Variants in ZNF708 observed in about 807,000 individuals in gnomAD.
The protein encoded by ZNF708 is ZNF15, ZNF15L1.
A neutral mutation model predicts 47.0 loss-of-function variants in ZNF708; 44 were observed. The ratio of observed to expected loss-of-function variants is 0.94; its 90% confidence interval spans 0.74 to 1.20. The LOEUF (loss-of-function observed/expected upper bound fraction) is 1.20, where lower values mean the gene tolerates loss of function less well. Ranked by LOEUF, ZNF708 falls within the 50% of genes most tolerant of loss-of-function variation. The pLI is 0.00. For missense variants in ZNF708, 557 were observed against 656.0 expected, an observed-to-expected ratio of 0.85 and a Z score of 1.65; for synonymous variants, 184 against 218.5, an observed-to-expected ratio of 0.84 and a Z score of 1.39.
Position 21,293,332 on chromosome 19 carries a change from G to A in ZNF708, c.1634C>T (p.Pro545Leu), listed in dbSNP as rs779237299. 4.7e-5 allele frequency: 75 copies of A among 1,610,788 alleles called. No homozygotes were observed. The highest frequency in any genetic ancestry group is 6.1e-5 in the Non-Finnish European group (72 of 1,178,692). ...EECGKAFNQS[P>L]NLTKHKRIHT... ...AATTCTCTTATGTTTAGTAAGGTTT[G>A]GGGACTGGTTAAAGGCTTTGCCACA... The change falls in exon 4 of 4, where the codon CCA (proline) becomes CTA (leucine). Residue 545 changes from proline to leucine, a missense_variant. Transcript: ENST00000356929.
chr19:21,294,254 T>C lies in ZNF708; in HGVS notation c.712A>G (p.Thr238Ala). 5 of 1,612,494 alleles carry C rather than the reference T, an allele frequency of 3.1e-6. No individual in the cohort carries two copies. Among genetic ancestry groups the C allele is most frequent in the Non-Finnish European group, 3.4e-6 (4 of 1,179,858 alleles). ...TGAATTATCTTATGTCTAGTAAGAG[T>C]TGAGGACTGGTTAAAAGCTTTTCCA... ...ECGKAFNQSS[T>A]LTRHKIIHTG... The change falls in exon 4 of 4, where the codon ACT (threonine) becomes GCT (alanine). Residue 238 changes from threonine to alanine, a missense_variant. Thr to Ala is a moderately conservative substitution (Grantham distance 58). Coordinates refer to ENST00000356929, the MANE Select transcript of ZNF708 (RefSeq NM_021269.3).
chr19:21,292,890 T>A lies in ZNF708; in HGVS notation c.*384A>T. 1 of 182,782 alleles carries A rather than the reference T, an allele frequency of 5.5e-6. No homozygotes were observed. The highest frequency in any genetic ancestry group is 1.1e-4 in the South Asian group (1 of 8,950). 11.3% of individuals were successfully genotyped at this position (182,782 alleles called of 1,614,324 possible). A position where few individuals can be genotyped will look rare whatever the true frequency, so the allele number is the denominator to read the frequency against. ...CTTGTAAGAGTTTTTCTAGTAAGAA[T>A]TATCTTACCTACAATCAAGTGTGAC... On this transcript the variant is annotated 3_prime_UTR_variant, in exon 4 of 4. Coordinates refer to ENST00000356929, the MANE Select transcript of ZNF708 (RefSeq NM_021269.3).
chr19:21,311,170 C>G (rs1436826427), intron 1 of ZNF708, among the ~76,000 whole-genome samples: 2 of 151,978 alleles, frequency 1.3e-5, no homozygotes, highest in African/African-American at 4.8e-5. Flanking sequence ...GTGTTTTTTT[C>G]AGTTTTACTT....
intron 3 of ZNF708, 119 bp downstream of exon 3, chr19:21,309,127 C>T: frequency 1.9e-6 from 2 of 1,042,590 alleles, no homozygotes; most frequent in Non-Finnish European, 2.7e-6. Flanking sequence ...GTTAAAAAAA[C>T]AAAACAGCTG....
chr19:21,315,679 T>C (rs1972986733), intron 1 of ZNF708, among the ~76,000 whole-genome samples: 1 of 152,198 alleles, frequency 6.6e-6, no homozygotes. Flanking sequence ...AGTGGGTTGA[T>C]ACAAAGTTGT....
intron 1 of ZNF708, among the ~76,000 whole-genome samples, chr19:21,326,357 T>TATA (rs1973255459): frequency 6.6e-6 from 1 of 152,188 alleles, no homozygotes; most frequent in African/African-American, 2.4e-5. Flanking sequence ...CTGTGGTATA[T>TATA]ATATACAATG....
chr19:21,316,133 C>CTTTTTTTTTTTTTTTTTTTTTTT (rs544312163), intron 1 of ZNF708, among the ~76,000 whole-genome samples: 5 of 105,482 alleles, frequency 4.7e-5, no homozygotes, highest in African/African-American at 7.3e-5. Context: ...TTTCTTTTTT[C>CTTTTTTTTTTTTTTTTTTTTTTT]TTTTTTTTTT....
At chr19:21,307,094 CAAAATAAAAT>C (rs1033125432) in intron 3 of ZNF708, among the ~76,000 whole-genome samples, 55 of 101,980 alleles carry the variant, frequency 5.4e-4, no homozygotes, top group South Asian at 2.4e-3. Flanking sequence ...ATATAAAATA[CAAAATAAAAT>C]AAAATAAAAT....
chr19:21,316,444 A>C (rs1377509379), intron 1 of ZNF708, among the ~76,000 whole-genome samples: 1 of 152,042 alleles, frequency 6.6e-6, no homozygotes, highest in African/African-American at 2.4e-5. Context: ...ATTTTTTCCA[A>C]GCCTCAAGAT....
At chr19:21,317,584 C>G (rs539766013) in intron 1 of ZNF708, among the ~76,000 whole-genome samples, 13 of 152,272 alleles carry the variant, frequency 8.5e-5, no homozygotes, top group Middle Eastern at 3.4e-3. Flanking sequence ...GAAATTATCT[C>G]CAGCCCCAGA....
chr19:21,323,911 T>G lies in ZNF708; in HGVS notation c.3+5299A>C, dbSNP rs1169880054. Among the ~76,000 whole-genome samples the G allele has an allele frequency of 1.3e-5, 2 of 152,240 alleles. 1 individual carries two copies. On this transcript the variant is annotated intron_variant, in intron 1 of 3. Coordinates refer to ENST00000356929, the MANE Select transcript of ZNF708 (RefSeq NM_021269.3). Reference sequence around the variant, plus strand: ...CTGAGCCAGTGGGCTAAAGCTTTAATTTCCATGTCAAGAGTTATTCACTTG... The same window carrying G: ...CTGAGCCAGTGGGCTAAAGCTTTAAGTTCCATGTCAAGAGTTATTCACTTG...
At chr19:21,320,659 C>T (rs1196560132) in intron 1 of ZNF708, among the ~76,000 whole-genome samples, 3 of 151,596 alleles carry the variant, frequency 2.0e-5, no homozygotes, top group African/African-American at 7.3e-5. Flanking sequence ...CACCACTGCA[C>T]TCCAGCCTGA....
At chr19:21,324,242 C>CA (rs1188860558) in intron 1 of ZNF708, among the ~76,000 whole-genome samples, 13 of 148,432 alleles carry the variant, frequency 8.8e-5, no homozygotes, top group South Asian at 4.3e-4. Flanking sequence ...GACTCCGTCT[C>CA]AAAAAAAAAT....
intron 3 of ZNF708, among the ~76,000 whole-genome samples, chr19:21,303,570 A>T (rs1972700436): frequency 6.6e-6 from 1 of 151,902 alleles, no homozygotes; most frequent in Non-Finnish European, 1.5e-5. Context: ...AAAAAAAATT[A>T]AAATAAATGA....
At chr19:21,310,648 C>T in intron 1 of ZNF708, 21 bp from the exon 2 acceptor site, 2 of 1,455,808 alleles carry the variant, frequency 1.4e-6, no homozygotes, top group Non-Finnish European at 1.8e-6. Context: ...CATACACACA[C>T]ACATATTTAC....
At chr19:21,321,583 A>G (rs1973136951) in intron 1 of ZNF708, among the ~76,000 whole-genome samples, 2 of 149,406 alleles carry the variant, frequency 1.3e-5, no homozygotes, top group South Asian at 4.4e-4. Flanking sequence ...CTTGAAAGAA[A>G]AAAAGGGAAG....
At chr19:21,319,967 G>A (rs1255668262) in intron 1 of ZNF708, among the ~76,000 whole-genome samples, 2 of 152,108 alleles carry the variant, frequency 1.3e-5, no homozygotes, top group Admixed American at 6.6e-5. Context: ...CCTGAGGTCA[G>A]GAGTTCAAGA....
At chr19:21,304,685 C>T (rs1373224476) in intron 3 of ZNF708, among the ~76,000 whole-genome samples, 1 of 152,104 alleles carries the variant, frequency 6.6e-6, no homozygotes, top group Non-Finnish European at 1.5e-5. Flanking sequence ...GACCAGCTTA[C>T]ACAACATAGT....
At chr19:21,321,611 AAGGGAGAGGATGGGGAGGGG>A (rs1973138859) in intron 1 of ZNF708, among the ~76,000 whole-genome samples, 2 of 127,516 alleles carry the variant, frequency 1.6e-5, no homozygotes, top group Admixed American at 1.7e-4. Flanking sequence ...AAGGGAAGGG[AAGGGAGAGGATGGGGAGGGG>A]AGGGGAGGGG....
Sources: allele counts gnomAD v4.1 joint callset (sites outside exome capture counted in the v4.1 genomes callset), GRCh38; gene constraint gnomAD v4.1.1; transcripts MANE v1.5; gene names NCBI Gene and HGNC (gene_info 2026-07-23, HGNC 2026-07-21).